PNOC: variants seen among roughly 807,000 people sequenced by gnomAD.
The protein encoded by PNOC is nociceptin.
PNOC carries 10 observed loss-of-function variants against 15.6 expected under a neutral mutation model. The observed-to-expected ratio is 0.64, with a 90% CI of 0.40 to 1.09. PNOC has a LOEUF of 1.09. Ranked by LOEUF, PNOC falls within the 50% of genes least tolerant of loss-of-function variation. The pLI, the probability that PNOC is intolerant of heterozygous loss-of-function variation, is 0.01. For missense variants in PNOC, 220 were observed against 223.9 expected (o/e 0.98, Z 0.11); for synonymous variants, 98 against 88.5 (o/e 1.11, Z -0.60).
intron 1 of PNOC, among the ~76,000 whole-genome samples, chr8:28,322,467 G>A (rs17058963): frequency 0.12 from 18,337 of 152,206 alleles, 1,318 homozygotes; most frequent in Middle Eastern, 0.17. Flanking sequence ...ACAAGAGGAA[G>A]CCCTACATGA....
rs148050728 is a variant in PNOC at position 28,321,956 on chromosome 8, T to C, written c.-24+4640T>C. 3.4e-3 allele frequency among the ~76,000 whole-genome samples: 513 copies of C among 152,326 alleles called. 2 individuals are homozygous for C. The highest frequency in any genetic ancestry group is 0.011 in the African/African-American group (455 of 41,566). On this transcript the variant is annotated intron_variant, in intron 1 of 3. Coordinates refer to ENST00000301908, the MANE Select transcript of PNOC (RefSeq NM_006228.5). ...CTCCATAATAGCTGGTAAACAAGCA[T>C]AAGCTCCATTGTAGGAGTCTTATCT... is the stretch of plus-strand genomic sequence containing the variant.
At chr8:28,325,261 G>A (rs1385490897) in intron 1 of PNOC, among the ~76,000 whole-genome samples, 1 of 148,988 alleles carries the variant, frequency 6.7e-6, no homozygotes, top group Non-Finnish European at 1.5e-5. Context: ...ACCAGGGGGT[G>A]GACATGGCTT....
At position 28,331,420 on chromosome 8, in the gene PNOC, T is replaced by G. The variant is rs1243393613; in HGVS notation, c.126+2137T>G. On this transcript the variant is annotated intron_variant, in intron 2 of 3. Transcript: ENST00000301908. ...TTCCTCACTCTGGCTACTGTGTTGG[T>G]TCCTTGTCCTCTCCCCACTCCCTAC... 3.3e-5 allele frequency among the ~76,000 whole-genome samples: 5 copies of G among 152,136 alleles called. No homozygotes were observed. The South Asian group carries it at 1.0e-3, about 32-fold the overall frequency.
intron 2 of PNOC, among the ~76,000 whole-genome samples, chr8:28,330,396 A>ATTTTTTTTTTTTT (rs67554549): frequency 2.5e-5 from 2 of 80,414 alleles, no homozygotes; most frequent in Non-Finnish European, 5.3e-5. Context: ...ATTTTATTTT[A>ATTTTTTTTTTTTT]TTTTTTTTTT....
At chr8:28,338,517 G>A (rs1436335939) in intron 2 of PNOC, 4 of 818,744 alleles carry the variant, frequency 4.9e-6, no homozygotes, top group African/African-American at 1.9e-5. Flanking sequence ...ACTGCTGTAC[G>A]CGGGATGAAA....
intron 2 of PNOC, among the ~76,000 whole-genome samples, chr8:28,336,432 C>T (rs1181737275): frequency 1.3e-5 from 2 of 151,894 alleles, no homozygotes; most frequent in Non-Finnish European, 2.9e-5. Context: ...TGTCTGGGTC[C>T]CAAAGGATGG....
intron 2 of PNOC, among the ~76,000 whole-genome samples, chr8:28,330,532 C>A (rs372568587): frequency 0.012 from 1,689 of 141,700 alleles, 16 homozygotes; most frequent in Non-Finnish European, 0.019. Context: ...GTAGCTGGGA[C>A]TAAGGTGCCC....
At chr8:28,329,032 C>G (rs1182785080) in intron 1 of PNOC, 103 bp from the exon 2 acceptor site, 3 of 1,152,716 alleles carry the variant, frequency 2.6e-6, no homozygotes, top group Non-Finnish European at 3.8e-6. Context: ...CTGCCAGAGA[C>G]AGCAGAGAAG....
intron 1 of PNOC, among the ~76,000 whole-genome samples, chr8:28,322,502 G>A (rs892143328): frequency 6.6e-6 from 1 of 152,196 alleles, no homozygotes; most frequent in South Asian, 2.1e-4. Flanking sequence ...ATCACTGACA[G>A]GCAGGGTCAG....
intron 1 of PNOC, among the ~76,000 whole-genome samples, chr8:28,320,624 G>A (rs1014110989): frequency 6.6e-5 from 10 of 152,078 alleles, no homozygotes; most frequent in Non-Finnish European, 1.5e-4. Flanking sequence ...GCCGAGGTGG[G>A]CAGATCACAA....
chr8:28,324,668 A>T (rs1801196868), intron 1 of PNOC, among the ~76,000 whole-genome samples: 1 of 152,198 alleles, frequency 6.6e-6, no homozygotes, highest in Non-Finnish European at 1.5e-5. Context: ...GTTCGAGACC[A>T]GCTTGGCCAA....
chr8:28,329,955 C>T (rs558051216), intron 2 of PNOC, among the ~76,000 whole-genome samples: 2 of 151,684 alleles, frequency 1.3e-5, no homozygotes, highest in Non-Finnish European at 2.9e-5. Flanking sequence ...TTTATTTATT[C>T]ATTTTTTTTG....
At chr8:28,340,281 T>C (rs1330855073) in intron 3 of PNOC, 1 of 151,004 alleles carries the variant, frequency 6.6e-6, no homozygotes, top group Admixed American at 6.6e-5. Flanking sequence ...CTTGCTTTTA[T>C]TCCTCTCTTT....
intron 1 of PNOC, among the ~76,000 whole-genome samples, chr8:28,327,621 C>T (rs1396460764): frequency 6.7e-6 from 1 of 148,238 alleles, no homozygotes; most frequent in Non-Finnish European, 1.5e-5. Context: ...AGCTGGAGTG[C>T]AGTGGCGTGA....
At chr8:28,320,866 AAAG>A (rs1245804990) in intron 1 of PNOC, among the ~76,000 whole-genome samples, 56 of 151,962 alleles carry the variant, frequency 3.7e-4, no homozygotes, top group Admixed American at 5.9e-4. Flanking sequence ...AAAAAAAAAA[AAAG>A]AAGAAGAAGT....
At chr8:28,333,236 T>C (rs995584982) in intron 2 of PNOC, among the ~76,000 whole-genome samples, 8 of 152,222 alleles carry the variant, frequency 5.3e-5, no homozygotes, top group Non-Finnish European at 2.9e-5. Context: ...TGGGTTCATA[T>C]GCCTGTTTCC....
intron 1 of PNOC, among the ~76,000 whole-genome samples, chr8:28,322,733 T>C (rs1801170123): frequency 6.6e-6 from 1 of 152,158 alleles, no homozygotes; most frequent in African/African-American, 2.4e-5. Context: ...CTGGCAATCT[T>C]CCAAAAGCAG....
At chr8:28,327,159 T>C (rs1801238464) in intron 1 of PNOC, among the ~76,000 whole-genome samples, 1 of 152,234 alleles carries the variant, frequency 6.6e-6, no homozygotes, top group Admixed American at 6.5e-5. Flanking sequence ...TCAAGAACAT[T>C]TACATTTCTA....
At chr8:28,340,806 C>T (rs772656622) in intron 3 of PNOC, among the ~76,000 whole-genome samples, 4 of 152,126 alleles carry the variant, frequency 2.6e-5, no homozygotes, top group South Asian at 2.1e-4. Context: ...AAGGGGAGGT[C>T]CCAGCCTCTT....
Sources: allele counts gnomAD v4.1 joint callset (sites outside exome capture counted in the v4.1 genomes callset), GRCh38; gene constraint gnomAD v4.1.1; transcripts MANE v1.5; gene names NCBI Gene and HGNC (gene_info 2026-07-23, HGNC 2026-07-21).